Variants in EGFR observed in about 807,000 individuals in gnomAD.
EGFR encodes the protein epidermal growth factor receptor.
Under a neutral mutation model 143.0 loss-of-function variants are expected in EGFR, and 58 were observed. The observed-to-expected ratio is 0.41, with a 90% CI of 0.33 to 0.50. The LOEUF is 0.50. Ranked by LOEUF, EGFR falls within the 20% of genes least tolerant of loss-of-function variation. The pLI is 0.39. For missense variants in EGFR, 1,307 were observed against 1,579.0 expected, an observed-to-expected ratio of 0.83 and a Z score of 2.92; for synonymous variants, 613 against 594.4, an observed-to-expected ratio of 1.03 and a Z score of -0.45.
At chr7:55,033,722 A>T (rs1006756064) in intron 1 of EGFR, among the ~76,000 whole-genome samples, 41 of 152,144 alleles carry the variant, frequency 2.7e-4, no homozygotes, top group African/African-American at 9.9e-4. Flanking sequence ...AGACAGGAGA[A>T]AGGCTCCACT....
intron 1 of EGFR, among the ~76,000 whole-genome samples, chr7:55,062,816 T>A (rs1345950735): frequency 6.6e-6 from 1 of 152,020 alleles, no homozygotes; most frequent in African/African-American, 2.4e-5. Context: ...AACTTGAAAA[T>A]GTGCTTTTAA....
At position 55,158,834 on chromosome 7, in the gene EGFR, A is replaced by T. The variant is rs17289956; in HGVS notation, c.1298+1081A>T. Among the ~76,000 whole-genome samples the T allele has an allele frequency of 2.9e-3, 439 of 152,322 alleles. 5 individuals are homozygous for T. The highest frequency in any genetic ancestry group is 0.01 in the African/African-American group (421 of 41,566). ...CCTCCCTGGGCATATGTGGGGGAGA[A>T]TTCCTAATGGTATTGGTTACAGGCT... is the stretch of plus-strand genomic sequence containing the variant. On this transcript the variant is annotated intron_variant, in intron 11 of 27. Coordinates refer to ENST00000275493, the MANE Select transcript of EGFR (RefSeq NM_005228.5).
chr7:55,081,536 G>A lies in EGFR; in HGVS notation c.89-60750G>A, dbSNP rs1056572427. On this transcript the variant is annotated intron_variant, in intron 1 of 27. Transcript: ENST00000275493. ...GACCTGTCCTCAGCCACCTGCCATCGTGCAGAGGTGAGAGCAGCCCCTGAA... is the reference window on the plus strand; with the variant it reads ...GACCTGTCCTCAGCCACCTGCCATCATGCAGAGGTGAGAGCAGCCCCTGAA... Among the ~76,000 whole-genome samples the A allele has an allele frequency of 5.3e-4, 81 of 152,146 alleles. 2 individuals carry two copies. Among genetic ancestry groups the A allele is most frequent in the Non-Finnish European group, 9.6e-4 (65 of 68,010 alleles).
chr7:55,181,256 T>G (rs749680358), intron 19 of EGFR, 37 bp from the exon 20 acceptor site: 28 of 1,612,726 alleles, frequency 1.7e-5, no homozygotes, highest in Non-Finnish European at 2.4e-5. Flanking sequence ...CTGGCCACCA[T>G]GCGAAGCCAC....
chr7:55,024,958 T>C (rs1025716736), intron 1 of EGFR, among the ~76,000 whole-genome samples: 2 of 152,198 alleles, frequency 1.3e-5, no homozygotes, highest in African/African-American at 4.8e-5. Context: ...ATTACTCATT[T>C]GAGCTATTTG....
chr7:55,055,754 G>T (rs1490497822), intron 1 of EGFR, among the ~76,000 whole-genome samples: 1 of 151,144 alleles, frequency 6.6e-6, no homozygotes, highest in Non-Finnish European at 1.5e-5. Flanking sequence ...ACACACCAGG[G>T]TCGATGCCAT....
At chr7:55,177,315 A>G (rs957640214) in intron 19 of EGFR, among the ~76,000 whole-genome samples, 11 of 152,204 alleles carry the variant, frequency 7.2e-5, no homozygotes, top group African/African-American at 1.4e-4. Context: ...GCCCAGGCCA[A>G]TTTCAACAGG....
At chr7:55,071,139 C>T (rs114301743) in intron 1 of EGFR, among the ~76,000 whole-genome samples, 2,002 of 152,276 alleles carry the variant, frequency 0.013, 34 homozygotes, top group African/African-American at 0.045. Context: ...AGCAAGTTTC[C>T]ACCACTGTTA....
chr7:55,054,744 G>A (rs1022612911), intron 1 of EGFR, among the ~76,000 whole-genome samples: 2 of 152,166 alleles, frequency 1.3e-5, no homozygotes, highest in African/African-American at 2.4e-5. Flanking sequence ...CCGTGCCTCC[G>A]TTCACACCAC....
chr7:55,201,502 TAA>T, intron 25 of EGFR, 147 bp downstream of exon 25: 2 of 1,290,910 alleles, frequency 1.5e-6, no homozygotes, highest in Non-Finnish European at 1.1e-6. Flanking sequence ...CAAAATAAAT[TAA>T]GTGTATTAAT....
intron 6 of EGFR, among the ~76,000 whole-genome samples, chr7:55,153,339 G>A (rs1785250912): frequency 6.6e-6 from 1 of 152,270 alleles, no homozygotes; most frequent in Admixed American, 6.5e-5. Context: ...GGAAGTCCTG[G>A]AGACGCCAAG....
intron 1 of EGFR, among the ~76,000 whole-genome samples, chr7:55,071,645 G>A (rs1286432338): frequency 2.6e-5 from 4 of 152,210 alleles, no homozygotes; most frequent in African/African-American, 7.2e-5. Flanking sequence ...ATGCATGGGT[G>A]TGCCTGCGTA....
At chr7:55,179,435 T>C (rs1786755494) in intron 19 of EGFR, among the ~76,000 whole-genome samples, 2 of 151,682 alleles carry the variant, frequency 1.3e-5, no homozygotes, top group Non-Finnish European at 2.9e-5. Flanking sequence ...GATTGAAGAG[T>C]CGAGGAAGGC....
At chr7:55,189,261 G>A (rs1280791299) in intron 20 of EGFR, among the ~76,000 whole-genome samples, 2 of 152,166 alleles carry the variant, frequency 1.3e-5, no homozygotes, top group Admixed American at 1.3e-4. Flanking sequence ...GGGTCTCAGG[G>A]TATTTGGTCT....
chr7:55,055,259 G>A (rs1788738910), intron 1 of EGFR, among the ~76,000 whole-genome samples: 1 of 152,086 alleles, frequency 6.6e-6, no homozygotes, highest in South Asian at 2.1e-4. Context: ...AATCACCTGG[G>A]ACCCTTAAAA....
At chr7:55,085,112 G>A (rs945007946) in intron 1 of EGFR, among the ~76,000 whole-genome samples, 2 of 152,088 alleles carry the variant, frequency 1.3e-5, no homozygotes, top group Non-Finnish European at 2.9e-5. Context: ...GGCACCAGCA[G>A]CCTTTGGAAG....
chr7:55,083,927 G>A (rs987993110), intron 1 of EGFR, among the ~76,000 whole-genome samples: 1 of 152,174 alleles, frequency 6.6e-6, no homozygotes, highest in Admixed American at 6.5e-5. Flanking sequence ...AGAACATATA[G>A]GTTAGCAAGA....
intron 19 of EGFR, 54 bp from the exon 20 acceptor site, chr7:55,181,239 C>T (rs2128958079): frequency 6.2e-7 from 1 of 1,601,348 alleles, no homozygotes; most frequent in Non-Finnish European, 8.6e-7. Context: ...TCCATGTGCC[C>T]CTCCTTCTGG....
chr7:55,141,253 C>A (rs1275146638), intron 1 of EGFR, among the ~76,000 whole-genome samples: 2 of 152,210 alleles, frequency 1.3e-5, no homozygotes, highest in African/African-American at 4.8e-5. Context: ...AGGCCCAAGA[C>A]TCTCTTTTGT....
Sources: gnomAD v4.1 joint callset for allele counts (sites outside exome capture counted in the v4.1 genomes callset) on GRCh38, gnomAD v4.1.1 for gene constraint, MANE v1.5 for transcripts, NCBI Gene and HGNC (gene_info 2026-07-23, HGNC 2026-07-21) for gene names.